NPHP4: variants seen among roughly 807,000 people sequenced by gnomAD.
The protein encoded by NPHP4 is nephrocystin-4.
In NPHP4, 151 loss-of-function variants were observed where a neutral mutation model predicts 155.8. The observed-to-expected ratio is 0.97, with a 90% CI of 0.85 to 1.11. The LOEUF (loss-of-function observed/expected upper bound fraction) is 1.11, where lower values mean the gene tolerates loss of function less well. NPHP4 is among the 50% of genes least tolerant of loss of function. The probability of loss-of-function intolerance (pLI) is 0.00; values close to 1 mark genes in which losing one functional copy is unlikely to be tolerated. For synonymous variants in NPHP4, 845 were observed against 816.8 expected (o/e 1.03, Z -0.59); for missense variants, 1,956 against 1,925.7 (o/e 1.02, Z -0.29).
chr1:5,869,738 T>C (rs902521950), intron 23 of NPHP4, among the ~76,000 whole-genome samples: 3 of 152,218 alleles, frequency 2.0e-5, no homozygotes, highest in Non-Finnish European at 4.4e-5. Flanking sequence ...AGTGGTATTG[T>C]AGCCAAAGGG....
intron 6 of NPHP4, among the ~76,000 whole-genome samples, chr1:5,953,061 GT>G (rs1648491281): frequency 6.6e-6 from 1 of 151,870 alleles, no homozygotes; most frequent in Admixed American, 6.6e-5. Flanking sequence ...TCCAGGAACA[GT>G]TTTTCTGTTG....
intron 27 of NPHP4, chr1:5,864,747 G>A (rs766842564): frequency 3.7e-5 from 20 of 541,820 alleles, no homozygotes; most frequent in African/African-American, 5.7e-5. Flanking sequence ...CGCTGCCTCC[G>A]CAGACAGAAC....
chr1:5,977,344 C>T (rs898953642), intron 3 of NPHP4, among the ~76,000 whole-genome samples: 2 of 152,080 alleles, frequency 1.3e-5, no homozygotes, highest in Non-Finnish European at 2.9e-5. Context: ...CTTGAAGCAG[C>T]CTCGTCCCTG....
At chr1:5,917,642 A>G (rs1313324377) in intron 11 of NPHP4, among the ~76,000 whole-genome samples, 2 of 152,222 alleles carry the variant, frequency 1.3e-5, no homozygotes, top group African/African-American at 4.8e-5. Flanking sequence ...TGAATGTTTT[A>G]CTGTGGGCCA....
chr1:5,874,770 A>G, intron 21 of NPHP4, 104 bp downstream of exon 21: 1 of 1,515,894 alleles, frequency 6.6e-7, no homozygotes, highest in Non-Finnish European at 9.1e-7. Flanking sequence ...GAGAAGTCAA[A>G]TCGCCCCGGC....
At chr1:5,958,490 T>A (rs903778353) in intron 6 of NPHP4, among the ~76,000 whole-genome samples, 26 of 151,916 alleles carry the variant, frequency 1.7e-4, no homozygotes, top group African/African-American at 6.0e-4. Context: ...AGGTCAGGAG[T>A]TCGAGACCTG....
intron 16 of NPHP4, among the ~76,000 whole-genome samples, chr1:5,898,021 C>G (rs931159295): frequency 3.3e-5 from 5 of 152,196 alleles, no homozygotes; most frequent in African/African-American, 1.2e-4. Flanking sequence ...AAGGAAGAGA[C>G]GGCAAGGCTG....
intron 11 of NPHP4, among the ~76,000 whole-genome samples, chr1:5,926,120 G>A (rs35760537): frequency 0.17 from 25,974 of 152,084 alleles, 2,292 homozygotes; most frequent in African/African-American, 0.21. Flanking sequence ...TTTCAGTGCC[G>A]TTTATAAAGA....
chr1:5,983,634 A>C (rs138687659), intron 2 of NPHP4, among the ~76,000 whole-genome samples: 3 of 152,210 alleles, frequency 2.0e-5, no homozygotes, highest in African/African-American at 7.2e-5. Flanking sequence ...GATCAACCTT[A>C]GCTGAGAGTA....
intron 22 of NPHP4, chr1:5,873,837 T>C: frequency 4.1e-6 from 1 of 243,290 alleles, no homozygotes; most frequent in South Asian, 4.7e-5. Flanking sequence ...ACATACTCCC[T>C]GCACACACAC....
rs751918304 is a variant in NPHP4, at chr1:5,933,232, G to T, written c.1217C>A (p.Thr406Asn). The change falls in exon 10 of 30, where the codon ACC becomes AAC. Residue 406 changes from threonine (T) to asparagine (N), a missense_variant. By Grantham distance (65) the Thr-to-Asn change is moderately conservative. Coordinates refer to ENST00000378156, the MANE Select transcript of NPHP4 (RefSeq NM_015102.5). ...PLLEADSGRV[T>N]LPLQGGIQPN... ...CTGGATCCCACCCTGCAGAGGCAGG[G>T]TCACCCTTCCAGAATCAGCTTCCAG... 3.7e-6 allele frequency: 6 copies of T among 1,613,960 alleles called. No individual in the cohort carries two copies. Among genetic ancestry groups the T allele is most frequent in the South Asian group, 1.1e-5 (1 of 91,088 alleles).
chr1:5,883,859 T>C (rs776838462), intron 18 of NPHP4, among the ~76,000 whole-genome samples: 39 of 150,528 alleles, frequency 2.6e-4, no homozygotes, highest in Non-Finnish European at 5.3e-4. Flanking sequence ...AAGGAGAGTG[T>C]GGCAAGGCCA....
chr1:5,918,132 C>T (rs1645567339), intron 11 of NPHP4, among the ~76,000 whole-genome samples: 1 of 152,134 alleles, frequency 6.6e-6, no homozygotes, highest in Non-Finnish European at 1.5e-5. Flanking sequence ...TCAGACAACA[C>T]ACAAGGATAT....
intron 1 of NPHP4, among the ~76,000 whole-genome samples, chr1:5,990,345 G>A (rs920498870): frequency 6.6e-6 from 1 of 152,130 alleles, no homozygotes; most frequent in African/African-American, 2.4e-5. Context: ...TGCCCTGGAG[G>A]AAGTGCAGAG....
At chr1:5,984,962 G>A (rs812051) in intron 2 of NPHP4, among the ~76,000 whole-genome samples, 26,031 of 152,074 alleles carry the variant, frequency 0.17, 2,374 homozygotes, top group South Asian at 0.25. Flanking sequence ...TCTATAAAAC[G>A]GGAGTAAGGT....
chr1:5,894,802 T>A lies in NPHP4; in HGVS notation c.2144-3774A>T, dbSNP rs369038293. ...AAACAAAACAATAGCAAAACCCATA[T>A]GACATAAACTTTAAAATTCTTCAGA... On this transcript the variant is annotated intron_variant, in intron 16 of 29. Coordinates refer to ENST00000378156, the MANE Select transcript of NPHP4 (RefSeq NM_015102.5). 6.8e-4 allele frequency among the ~76,000 whole-genome samples: 104 copies of A among 152,110 alleles called. 1 individual carries two copies. The highest frequency in any genetic ancestry group is 6.8e-3 in the Middle Eastern group (2 of 294).
intron 16 of NPHP4, among the ~76,000 whole-genome samples, chr1:5,898,978 G>A (rs1450291683): frequency 2.0e-5 from 3 of 152,162 alleles, no homozygotes; most frequent in Non-Finnish European, 2.9e-5. Context: ...CTCCAACCAC[G>A]AGATGCCTCT....
At chr1:5,891,926 G>A (rs952194195) in intron 16 of NPHP4, among the ~76,000 whole-genome samples, 7 of 152,222 alleles carry the variant, frequency 4.6e-5, no homozygotes, top group Admixed American at 2.6e-4. Flanking sequence ...CAATGTGTCC[G>A]GACAGGGGAC....
chr1:5,903,902 C>A (rs975158214), intron 16 of NPHP4, among the ~76,000 whole-genome samples: 1 of 152,136 alleles, frequency 6.6e-6, no homozygotes, highest in African/African-American at 2.4e-5. Context: ...AAGGGCGCAG[C>A]GGAGGTGCAG....
Sources: allele counts gnomAD v4.1 joint callset (sites outside exome capture counted in the v4.1 genomes callset), GRCh38; gene constraint gnomAD v4.1.1; transcripts MANE v1.5; gene names NCBI Gene and HGNC (gene_info 2026-07-23, HGNC 2026-07-21).